The following RBFOX1 variants were observed in gnomAD, a reference collection of about 807,000 sequenced individuals.
The protein encoded by RBFOX1 is RNA binding fox-1 homolog 1, also known as RNA binding protein fox-1 homolog 1.
A neutral mutation model predicts 57.7 loss-of-function variants in RBFOX1; 8 were observed. That is an observed-to-expected ratio of 0.14 (90% confidence interval 0.08 to 0.25). RBFOX1 has a LOEUF of 0.25. Among genes scored for constraint, RBFOX1 ranks in the 10% least tolerant of loss-of-function variants. The pLI, the probability that RBFOX1 is intolerant of heterozygous loss-of-function variation, is 1.00. For missense variants in RBFOX1, 611 were observed against 548.5 expected (o/e 1.11, Z -1.14); for synonymous variants, 326 against 222.4 (o/e 1.47, Z -4.15).
chr16:7,670,449 C>G lies in RBFOX1; in HGVS notation c.930+5481C>G, dbSNP rs369705083. On this transcript the variant is annotated intron_variant, in intron 13 of 15. Coordinates refer to ENST00000550418, the MANE Select transcript of RBFOX1 (RefSeq NM_018723.4). ...GTTTAATGCTGAAGCCCTGAGCCCA[C>G]AAACTCAAGTCATTGCGCTAGTTGA... Among the ~76,000 whole-genome samples the G allele has an allele frequency of 1.2e-4, 18 of 152,272 alleles. No homozygotes were observed. The East Asian group carries it at 2.7e-3, about 23-fold the overall frequency.
At chr16:6,334,507 CAA>C (rs35514991) in intron 2 of RBFOX1, among the ~76,000 whole-genome samples, 20 of 115,926 alleles carry the variant, frequency 1.7e-4, no homozygotes, top group African/African-American at 4.2e-4. Context: ...GATAGCATCT[CAA>C]AAAAAAAAAA....
At chr16:6,955,690 T>C (rs1264808926) in intron 3 of RBFOX1, among the ~76,000 whole-genome samples, 1 of 58,136 alleles carries the variant, frequency 1.7e-5, no homozygotes, top group African/African-American at 5.9e-5. Flanking sequence ...GGTATGTATG[T>C]ATTTATTTAT....
At chr16:6,380,477 A>G (rs977583752) in intron 2 of RBFOX1, among the ~76,000 whole-genome samples, 1 of 131,522 alleles carries the variant, frequency 7.6e-6, no homozygotes, top group Non-Finnish European at 1.5e-5. Context: ...GTCTAGACAC[A>G]GAGAAAATGG....
At chr16:5,569,002 G>A (rs1033967130) in intron 2 of RBFOX1, among the ~76,000 whole-genome samples, 7 of 142,880 alleles carry the variant, frequency 4.9e-5, no homozygotes, top group African/African-American at 1.4e-4. Flanking sequence ...CACCACGCCC[G>A]GCTAATTTTT....
chr16:6,502,313 A>G (rs1392493571), intron 2 of RBFOX1, among the ~76,000 whole-genome samples: 1 of 152,110 alleles, frequency 6.6e-6, no homozygotes, highest in African/African-American at 2.4e-5. Flanking sequence ...TGCCACCTTT[A>G]AGGGCTTTAA....
intron 4 of RBFOX1, among the ~76,000 whole-genome samples, chr16:7,517,793 CA>C (rs2076690077): frequency 7.3e-6 from 1 of 136,246 alleles, no homozygotes; most frequent in African/African-American, 2.8e-5. Context: ...TCACAGCTTC[CA>C]AAATGGGAAT....
At chr16:6,338,467 A>G (rs375406720) in intron 2 of RBFOX1, among the ~76,000 whole-genome samples, 6 of 152,252 alleles carry the variant, frequency 3.9e-5, no homozygotes, top group Admixed American at 2.0e-4. Flanking sequence ...TTTAATAGGC[A>G]GATGAGTTGA....
At chr16:7,183,021 C>G (rs886815755) in intron 4 of RBFOX1, among the ~76,000 whole-genome samples, 2 of 152,180 alleles carry the variant, frequency 1.3e-5, no homozygotes, top group Non-Finnish European at 2.9e-5. Flanking sequence ...ATGCCTGACA[C>G]ATAATGGGCA....
At chr16:6,149,134 G>T (rs984404872) in intron 1 of RBFOX1, among the ~76,000 whole-genome samples, 2 of 152,212 alleles carry the variant, frequency 1.3e-5, no homozygotes, top group Admixed American at 6.5e-5. Flanking sequence ...AGTCATTAAG[G>T]TTTCTCATTT....
chr16:7,263,769 G>A (rs1411441841), intron 4 of RBFOX1, among the ~76,000 whole-genome samples: 2 of 151,956 alleles, frequency 1.3e-5, no homozygotes, highest in Non-Finnish European at 2.9e-5. Flanking sequence ...GGTGGCACGT[G>A]CCTGTAATCC....
chr16:5,723,128 T>C (rs1158872664), intron 3 of RBFOX1, among the ~76,000 whole-genome samples: 2 of 152,198 alleles, frequency 1.3e-5, no homozygotes, highest in Non-Finnish European at 2.9e-5. Flanking sequence ...GAGTCATCCA[T>C]GCTGAATGAC....
chr16:7,572,398 C>A (rs1484599714), intron 5 of RBFOX1, among the ~76,000 whole-genome samples: 1 of 152,200 alleles, frequency 6.6e-6, no homozygotes, highest in East Asian at 1.9e-4. Flanking sequence ...TCAGCAGTTT[C>A]AAGTGGTACA....
intron 4 of RBFOX1, among the ~76,000 whole-genome samples, chr16:7,458,714 C>T (rs1298809374): frequency 1.3e-5 from 2 of 152,074 alleles, no homozygotes; most frequent in East Asian, 1.9e-4. Flanking sequence ...TCCCTCTCCT[C>T]CTTCTCAGCT....
intron 3 of RBFOX1, among the ~76,000 whole-genome samples, chr16:6,666,550 A>AG (rs1470363225): frequency 6.6e-6 from 1 of 151,264 alleles, no homozygotes; most frequent in East Asian, 2.0e-4. Context: ...CAAAAAAAAA[A>AG]AAAAAAAACA....
intron 3 of RBFOX1, among the ~76,000 whole-genome samples, chr16:5,829,383 C>T (rs2151823207): frequency 6.6e-6 from 1 of 152,212 alleles, no homozygotes; most frequent in South Asian, 2.1e-4. Context: ...ATTGAAGAGG[C>T]ACAGTGAGGG....
Position 5,801,611 on chromosome 16 carries a change from T to G in RBFOX1, c.319-65692T>G, listed in dbSNP as rs571123421. On this transcript the variant is annotated intron_variant, in intron 3 of 19. Transcript: ENST00000641259. The stretch of plus-strand genomic sequence containing the variant: ...TGGGGAATGAGGTTGAAAGGCTAAC[T>G]AGGCACACACAAAAAAATACCAATG... Among the ~76,000 whole-genome samples the G allele has an allele frequency of 3.3e-5, 5 of 152,250 alleles. No homozygotes were observed. In the South Asian group the frequency reaches 8.3e-4, roughly 25 times the overall value.
intron 6 of RBFOX1, 24 bp from the exon 7 acceptor site, chr16:7,587,223 T>A (rs763706934): frequency 6.6e-7 from 1 of 1,517,832 alleles, no homozygotes. Flanking sequence ...TTCTTGCTTA[T>A]AAGATATTTC....
chr16:6,274,885 C>T (rs766496884), intron 1 of RBFOX1, among the ~76,000 whole-genome samples: 1 of 152,142 alleles, frequency 6.6e-6, no homozygotes, highest in Non-Finnish European at 1.5e-5. Flanking sequence ...AAGAGTTGGT[C>T]ATTGATCCAT....
chr16:7,681,864 G>T (rs72776891), intron 14 of RBFOX1, among the ~76,000 whole-genome samples: 1 of 152,038 alleles, frequency 6.6e-6, no homozygotes, highest in Non-Finnish European at 1.5e-5. Flanking sequence ...GATAGGGATT[G>T]AAAATATTTC....
Sources: allele counts gnomAD v4.1 joint callset (sites outside exome capture counted in the v4.1 genomes callset), GRCh38; gene constraint gnomAD v4.1.1; transcripts MANE v1.5; gene names NCBI Gene and HGNC (gene_info 2026-07-23, HGNC 2026-07-21).